The following C3 variants were observed in gnomAD, a reference collection of about 807,000 sequenced individuals.
The protein encoded by C3 is complement C3.
In C3, 97 loss-of-function variants were observed where a neutral mutation model predicts 207.9. The observed-to-expected ratio is 0.47, with a 90% CI of 0.40 to 0.55. The LOEUF (loss-of-function observed/expected upper bound fraction) is 0.55. Among genes scored for constraint, C3 ranks in the 20% least tolerant of loss-of-function variants. The probability of loss-of-function intolerance (pLI) is 0.00; values close to 1 mark genes in which losing one functional copy is unlikely to be tolerated. For synonymous variants in C3, 848 were observed against 857.6 expected (o/e 0.99, Z 0.20); for missense variants, 1,684 against 2,171.7 (o/e 0.78, Z 4.46).
rs1197777803 is a variant in C3 at position 6,697,762 on chromosome 19, C to T, written c.2473G>A (p.Val825Ile). Residue 825 changes from valine to isoleucine, a missense_variant, in exon 20 of 41, where the codon GTA (valine) becomes ATA (isoleucine). Val to Ile is a conservative substitution (Grantham distance 29, BLOSUM62 3). Transcript: ENST00000245907. ...AGGTCGATGAAGAAGTCCTGCATTA[C>T]TGTGACCTCGAAGGGGTCTGCCACA... ...ICVADPFEVTVMQDFFIDLRL... is the reference protein window; with the variant it reads ...ICVADPFEVTIMQDFFIDLRL... 1 of 1,613,904 alleles carries T rather than the reference C, an allele frequency of 6.2e-7. No individual in the cohort carries two copies. Among genetic ancestry groups the T allele is most frequent in the South Asian group, 1.1e-5 (1 of 91,066 alleles).
At chr19:6,711,694 G>T (rs1029684472) in intron 11 of C3, among the ~76,000 whole-genome samples, 7 of 152,194 alleles carry the variant, frequency 4.6e-5, no homozygotes, top group African/African-American at 1.7e-4. Context: ...GCGCAGCCTG[G>T]GAGCTGCAGA....
rs1477537437 is a variant in C3, at chr19:6,718,237, C to T, written c.433+10G>A. 1.2e-6 allele frequency: 2 copies of T among 1,614,072 alleles called. No homozygotes were observed. Among genetic ancestry groups the T allele is most frequent in the Non-Finnish European group, 1.7e-6 (2 of 1,180,038 alleles). On this transcript the variant is annotated intron_variant, in intron 3 of 40. Coordinates refer to ENST00000245907, the MANE Select transcript of C3 (RefSeq NM_000064.4). The stretch of plus-strand genomic sequence containing the variant: ...GGTGCCCCGCCCTCTCCAGCCGCCC[C>T]CAGCCTCACCTGTGGAGCCAGGGGT...
chr19:6,707,177 G>A lies in C3; in HGVS notation c.2144C>T (p.Ser715Phe). The A allele has an allele frequency of 2.5e-6, 4 of 1,613,844 alleles. No individual in the cohort carries two copies. Among genetic ancestry groups the A allele is most frequent in the Non-Finnish European group, 3.4e-6 (4 of 1,179,904 alleles). ...FSCQRRTRFI[S>F]LGEACKKVFL... Reference sequence around the variant, plus strand: ...GACCTTCTTGCACGCCTCGCCCAGGGAGATGAAACGGGTCCGGCGCTGGCA... The same window carrying A: ...GACCTTCTTGCACGCCTCGCCCAGGAAGATGAAACGGGTCCGGCGCTGGCA... Residue 715 changes from serine (S) to phenylalanine (F), a missense_variant, in exon 17 of 41, where the codon TCC (serine) becomes TTC (phenylalanine). Physicochemically the swap from Ser to Phe is radical, Grantham distance 155. This residue lies in a region of C3 where 1,280 missense variants were observed against 1,739.1 expected (regional missense o/e 0.74). Transcript: ENST00000245907.
At position 6,684,456 on chromosome 19, in the gene C3, G is replaced by C. The variant is rs369325859; in HGVS notation, c.4121-17C>G. On this transcript the variant is annotated splice_polypyrimidine_tract_variant and intron_variant, in intron 32 of 40. Coordinates refer to ENST00000245907, the MANE Select transcript of C3 (RefSeq NM_000064.4). ...GCCTCTTTTCTAGAAACACAGAAGAGAGAAAGATGGGAGAGGGTATACCTG... is the reference window on the plus strand; with the variant it reads ...GCCTCTTTTCTAGAAACACAGAAGACAGAAAGATGGGAGAGGGTATACCTG... 1.9e-6 allele frequency: 3 copies of C among 1,609,704 alleles called. No homozygotes were observed. Among genetic ancestry groups the C allele is most frequent in the Non-Finnish European group, 2.6e-6 (3 of 1,175,976 alleles).
chr19:6,682,072 C>T, intron 34 of C3, 42 bp from the exon 35 acceptor site: 1 of 1,603,928 alleles, frequency 6.2e-7, no homozygotes, highest in East Asian at 2.2e-5. Context: ...TCCTGGACCC[C>T]TCTCTCCCTG....
intron 29 of C3, 144 bp from the exon 30 acceptor site, chr19:6,685,290 G>T (rs1917975398): frequency 2.6e-6 from 2 of 754,906 alleles, no homozygotes; most frequent in East Asian, 2.7e-5. Flanking sequence ...GTGATAACTG[G>T]AGGTCACTGG....
chr19:6,706,677 T>TC (rs1287219790), intron 17 of C3, among the ~76,000 whole-genome samples: 1 of 66,238 alleles, frequency 1.5e-5, no homozygotes, highest in Non-Finnish European at 3.0e-5. Flanking sequence ...AGGGGACTCC[T>TC]CCCCCCGAGA....
At position 6,712,522 on chromosome 19, in the gene C3, G is replaced by T; in HGVS notation, c.1105C>A (p.Pro369Thr). ...CCGGGTCTCACCATGAGGTCAAAGG[G>T]CATTCCTGGTTTGAAGTACTTGGGT... ...KTPKYFKPGM[P>T]FDLMVFVTNP... Residue 369 changes from proline (P) to threonine (T), a missense_variant, in exon 10 of 41, where the codon CCC becomes ACC. Around this residue, in one of 3 missense-constraint regions of C3, gnomAD observed 1,280 missense variants for 1,739.1 expected, o/e 0.74. Transcript: ENST00000245907. The T allele has an allele frequency of 6.2e-7, 1 of 1,614,174 alleles. No homozygotes were observed.
chr19:6,689,154 A>T (rs988349522), intron 27 of C3, among the ~76,000 whole-genome samples: 1 of 152,150 alleles, frequency 6.6e-6, no homozygotes, highest in Non-Finnish European at 1.5e-5. Flanking sequence ...CATGTGTGTT[A>T]TATCTGGGAC....
Position 6,702,167 on chromosome 19 carries a change from G to A in C3, c.2400C>T (p.Thr800=), listed in dbSNP as rs1568220261. The A allele has an allele frequency of 2.5e-6, 4 of 1,606,784 alleles. No individual in the cohort carries two copies. The highest frequency in any genetic ancestry group is 3.4e-6 in the Non-Finnish European group (4 of 1,174,770). ...TGCTCACAGCCAGAATCTCCCACGT[G>A]GTGATGGAGTCTTTCAAAAATATAT... ...LMNIFLKDSI[T]TWEILAVSMS... is the part of the protein sequence containing the mutation. The change falls in exon 19 of 41, where the codon ACC becomes ACT. Residue 800 remains threonine, a synonymous_variant. Transcript: ENST00000245907.
At chr19:6,698,240 C>T (rs1163136456) in intron 19 of C3, among the ~76,000 whole-genome samples, 1 of 152,036 alleles carries the variant, frequency 6.6e-6, no homozygotes, top group Non-Finnish European at 1.5e-5. Flanking sequence ...TGGTCTCGAT[C>T]TCTTGACCTC....
chr19:6,700,525 A>AATATGTAAT lies in C3; in HGVS notation c.2440+1601_2440+1602insATTACATAT, dbSNP rs1967637468. ...TATATATGTAATATATAATATATGT[A>AATATGTAAT]ATATGATATATTATATATGTAATAT... On this transcript the variant is annotated intron_variant, in intron 19 of 40. Coordinates refer to ENST00000245907, the MANE Select transcript of C3 (RefSeq NM_000064.4). 7.2e-5 allele frequency among the ~76,000 whole-genome samples: 2 copies of AATATGTAAT among 27,932 alleles called. 1 individual carries two copies. The highest frequency in any genetic ancestry group is 5.8e-4 in the African/African-American group (2 of 3,434). 18.3% of individuals were successfully genotyped at this position (27,932 alleles called of 152,430 possible). A position where few individuals can be genotyped will look rare whatever the true frequency, so the allele number is the denominator to read the frequency against.
rs757130302 is a variant in C3, at chr19:6,693,435, G to A, written c.3207C>T (p.Phe1069=). The part of the protein sequence containing the change: ...FRQPSSAFAA[F]VKRAPSTWLT... Reference sequence around the variant, plus strand: ...ACCAGGTGCTGGGTGCCCGTTTCACGAAGGCCGCAAAGGCAGAGCTGGGTT... The same window carrying A: ...ACCAGGTGCTGGGTGCCCGTTTCACAAAGGCCGCAAAGGCAGAGCTGGGTT... The change falls in exon 25 of 41, where the codon TTC becomes TTT. Residue 1069 remains phenylalanine (F), a synonymous_variant. Transcript: ENST00000245907. 1.2e-6 allele frequency: 2 copies of A among 1,611,960 alleles called. No homozygotes were observed. Among genetic ancestry groups the A allele is most frequent in the East Asian group, 2.2e-5 (1 of 44,816 alleles).
At chr19:6,689,348 C>CT (rs1918105433) in intron 27 of C3, among the ~76,000 whole-genome samples, 1 of 58,796 alleles carries the variant, frequency 1.7e-5, no homozygotes, top group Admixed American at 1.8e-4. Flanking sequence ...TCCCTCCCTC[C>CT]CTCCCTCCCT....
rs1032861590 is a variant in C3 at position 6,713,977 on chromosome 19, C to T, written c.773+15G>A. The T allele has an allele frequency of 2.5e-6, 4 of 1,588,178 alleles. No individual in the cohort carries two copies. The highest frequency in any genetic ancestry group is 2.8e-5 in the African/African-American group (2 of 72,102). On this transcript the variant is annotated intron_variant, in intron 7 of 40. Transcript: ENST00000245907. ...CTCACCTGGCTCTTACCTGGCCCCA[C>T]CCCCAGTCCCTCACCTGGCGGTGAT... is the stretch of plus-strand genomic sequence containing the variant.
chr19:6,720,503 C>T lies in C3; in HGVS notation c.74+13G>A, dbSNP rs1416273519. ...AACCAGCCCTGTTTGTGGGTAGAGT[C>T]ATAACCACTCACATGGGACTCCCCA... On this transcript the variant is annotated intron_variant, in intron 1 of 40. Coordinates refer to ENST00000245907, the MANE Select transcript of C3 (RefSeq NM_000064.4). 13 of 1,577,366 alleles carry T rather than the reference C, an allele frequency of 8.2e-6. No homozygotes were observed. Among genetic ancestry groups the T allele is most frequent in the Admixed American group, 3.6e-5 (2 of 54,848 alleles).
chr19:6,689,319 C>CTCTACCTACCTA (rs1918094788), intron 27 of C3, among the ~76,000 whole-genome samples: 2 of 100,624 alleles, frequency 2.0e-5, no homozygotes. Context: ...CTCTCTCTCT[C>CTCTACCTACCTA]TCTACCTACC....
At position 6,702,160 on chromosome 19, in the gene C3, C is replaced by T. The variant is rs1013003379; in HGVS notation, c.2407G>A (p.Glu803Lys). ...TCCGACATGCTCACAGCCAGAATCT[C>T]CCACGTGGTGATGGAGTCTTTCAAA... ...IFLKDSITTW[E>K]ILAVSMSDKK... Residue 803 changes from glutamate to lysine, a missense_variant, in exon 19 of 41, where the codon GAG (glutamate) becomes AAG (lysine). By Grantham distance (56) the Glu-to-Lys change is moderately conservative. Around this residue, in one of 3 missense-constraint regions of C3, gnomAD observed 1,280 missense variants for 1,739.1 expected, o/e 0.74. Coordinates refer to ENST00000245907, the MANE Select transcript of C3 (RefSeq NM_000064.4). The T allele has an allele frequency of 1.5e-5, 24 of 1,607,234 alleles. No homozygotes were observed. Among genetic ancestry groups the T allele is most frequent in the Non-Finnish European group, 2.0e-5 (24 of 1,175,062 alleles).
Position 6,694,641 on chromosome 19 carries a change from C to T in C3, c.2951-7G>A. ...ATCTGGGCCACTGGGGTCCCTGCAG[C>T]AGGTGGGAAGAGGACGTTGCTCAAG... is the stretch of plus-strand genomic sequence containing the variant. On this transcript the variant is annotated splice_polypyrimidine_tract_variant and splice_region_variant and intron_variant, in intron 23 of 40. Transcript: ENST00000245907. 1 of 1,610,030 alleles carries T rather than the reference C, an allele frequency of 6.2e-7. No individual in the cohort carries two copies. The highest frequency in any genetic ancestry group is 8.5e-7 in the Non-Finnish European group (1 of 1,179,336).
Sources: allele counts gnomAD v4.1 joint callset (sites outside exome capture counted in the v4.1 genomes callset), GRCh38; gene constraint gnomAD v4.1.1; regional missense constraint gnomAD v4.1.1; transcripts MANE v1.5; gene names NCBI Gene and HGNC (gene_info 2026-07-23, HGNC 2026-07-21).